The following PDE4B variants were observed in gnomAD, a reference collection of about 807,000 sequenced individuals.
The protein encoded by PDE4B is phosphodiesterase 4B, also known as 3',5'-cyclic-AMP phosphodiesterase 4B.
PDE4B carries 20 observed loss-of-function variants against 82.2 expected under a neutral mutation model. That is an observed-to-expected ratio of 0.24 (90% CI 0.17 to 0.35). The LOEUF (loss-of-function observed/expected upper bound fraction) is 0.35, where lower values mean the gene tolerates loss of function less well. PDE4B is among the 10% of genes least tolerant of loss of function. The pLI is 1.00. For missense variants in PDE4B, 655 were observed against 907.2 expected (o/e 0.72, Z 3.57); for synonymous variants, 320 against 318.9 (o/e 1.00, Z -0.04).
intron 3 of PDE4B, among the ~76,000 whole-genome samples, chr1:65,973,745 A>C (rs999771880): frequency 2.0e-5 from 3 of 152,178 alleles, no homozygotes; most frequent in African/African-American, 4.8e-5. Context: ...TAAATCTTAA[A>C]GAATTCTAAT....
chr1:66,000,743 G>C (rs1031501291), intron 3 of PDE4B, among the ~76,000 whole-genome samples: 2 of 152,188 alleles, frequency 1.3e-5, no homozygotes, highest in South Asian at 4.1e-4. Flanking sequence ...ACCAAGGCTT[G>C]TCCTCCTCTT....
chr1:66,203,243 G>T (rs183418230), intron 3 of PDE4B, among the ~76,000 whole-genome samples: 1 of 152,032 alleles, frequency 6.6e-6, no homozygotes, highest in African/African-American at 2.4e-5. Flanking sequence ...GCTTCCCTTT[G>T]TGGGTAACCT....
At chr1:66,006,585 G>A (rs745804851) in intron 3 of PDE4B, among the ~76,000 whole-genome samples, 2 of 152,024 alleles carry the variant, frequency 1.3e-5, no homozygotes, top group Non-Finnish European at 2.9e-5. Flanking sequence ...TGGTTTGGCT[G>A]TATCTCCACC....
chr1:66,252,368 C>T (rs374707797), intron 4 of PDE4B, among the ~76,000 whole-genome samples: 12 of 152,164 alleles, frequency 7.9e-5, no homozygotes, highest in African/African-American at 2.9e-4. Flanking sequence ...TATGGATGCC[C>T]TTCAACTTAC....
chr1:66,324,017 T>G (rs867389407), intron 7 of PDE4B, among the ~76,000 whole-genome samples: 1 of 152,304 alleles, frequency 6.6e-6, no homozygotes, highest in Middle Eastern at 3.4e-3. Flanking sequence ...ATGTTTTAGC[T>G]GGATGAGAAC....
intron 1 of PDE4B, among the ~76,000 whole-genome samples, chr1:65,902,153 T>G (rs1196729205): frequency 2.6e-5 from 4 of 152,080 alleles, no homozygotes; most frequent in African/African-American, 7.2e-5. Context: ...GAGAGTATGG[T>G]GGGTATGATC....
At chr1:65,812,757 G>T (rs139112511) in intron 1 of PDE4B, among the ~76,000 whole-genome samples, 170 of 152,314 alleles carry the variant, frequency 1.1e-3, no homozygotes, top group Middle Eastern at 0.01. Flanking sequence ...ATTATGTATA[G>T]AAATGCACTG....
intron 1 of PDE4B, among the ~76,000 whole-genome samples, chr1:65,869,678 G>C (rs906268523): frequency 6.6e-6 from 1 of 152,118 alleles, no homozygotes; most frequent in African/African-American, 2.4e-5. Flanking sequence ...TTTGTTAGTA[G>C]CTGAGTAAAA....
chr1:66,290,972 C>A (rs766989415), intron 7 of PDE4B, among the ~76,000 whole-genome samples: 6 of 152,146 alleles, frequency 3.9e-5, no homozygotes, highest in Non-Finnish European at 8.8e-5. Context: ...TACCTCACAG[C>A]TTTCCAGGTT....
chr1:66,194,864 G>A (rs1184925882), intron 3 of PDE4B, among the ~76,000 whole-genome samples: 4 of 152,010 alleles, frequency 2.6e-5, no homozygotes, highest in Non-Finnish European at 5.9e-5. Flanking sequence ...ACTCACTTAT[G>A]TTTGAATTTT....
chr1:66,036,360 G>A (rs1304467115), intron 3 of PDE4B, among the ~76,000 whole-genome samples: 1 of 151,898 alleles, frequency 6.6e-6, no homozygotes, highest in Non-Finnish European at 1.5e-5. Flanking sequence ...TGCTTTTATT[G>A]CCTGTGCTTT....
intron 13 of PDE4B, 68 bp downstream of exon 13, chr1:66,365,834 A>C: frequency 1.2e-6 from 1 of 856,682 alleles, no homozygotes; most frequent in South Asian, 1.7e-5. Context: ...TTTTCCTCCT[A>C]ATGTTTTCAT....
At chr1:65,864,960 G>A (rs1646494962) in intron 1 of PDE4B, among the ~76,000 whole-genome samples, 1 of 152,202 alleles carries the variant, frequency 6.6e-6, no homozygotes, top group African/African-American at 2.4e-5. Flanking sequence ...GAACGTTTAA[G>A]TCCACTGAAG....
intron 1 of PDE4B, among the ~76,000 whole-genome samples, chr1:65,863,946 C>A (rs970814516): frequency 6.6e-6 from 1 of 152,022 alleles, no homozygotes; most frequent in African/African-American, 2.4e-5. Context: ...GGGTCTTTAT[C>A]CAATTTGCCA....
At chr1:66,102,379 C>T (rs1028008373) in intron 3 of PDE4B, among the ~76,000 whole-genome samples, 9 of 152,134 alleles carry the variant, frequency 5.9e-5, no homozygotes, top group Admixed American at 3.3e-4. Context: ...TAGTACCAGA[C>T]AGACTGAATT....
chr1:66,122,099 C>T (rs1464263833), intron 3 of PDE4B, among the ~76,000 whole-genome samples: 1 of 152,052 alleles, frequency 6.6e-6, no homozygotes, highest in Non-Finnish European at 1.5e-5. Flanking sequence ...GTCACATGGC[C>T]GAGGCTATAA....
intron 7 of PDE4B, among the ~76,000 whole-genome samples, chr1:66,328,813 A>C (rs1478585242): frequency 6.6e-6 from 1 of 152,116 alleles, no homozygotes; most frequent in Non-Finnish European, 1.5e-5. Context: ...CTCAGATGGG[A>C]CATGTTAGCA....
intron 3 of PDE4B, among the ~76,000 whole-genome samples, chr1:66,074,592 A>C (rs1656319525): frequency 1.3e-5 from 2 of 152,122 alleles, no homozygotes; most frequent in South Asian, 4.1e-4. Flanking sequence ...TATTTTGATC[A>C]TGACCAAAAG....
intron 3 of PDE4B, among the ~76,000 whole-genome samples, chr1:66,147,301 G>C (rs1646294959): frequency 6.6e-6 from 1 of 151,958 alleles, no homozygotes; most frequent in Non-Finnish European, 1.5e-5. Context: ...TATCATATTT[G>C]GCCCACCTAA....
Sources: gnomAD v4.1 joint callset for allele counts (sites outside exome capture counted in the v4.1 genomes callset) on GRCh38, gnomAD v4.1.1 for gene constraint, MANE v1.5 for transcripts, NCBI Gene and HGNC (gene_info 2026-07-23, HGNC 2026-07-21) for gene names.